Variants in ANKHD1 observed in about 807,000 individuals in gnomAD.
ANKHD1 encodes the protein ankyrin repeat and KH domain-containing protein 1.
In ANKHD1, 31 loss-of-function variants were observed where a neutral mutation model predicts 230.5. The ratio of observed to expected loss-of-function variants is 0.13; its 90% CI spans 0.10 to 0.18. ANKHD1 has a LOEUF of 0.18. ANKHD1 is among the 10% of genes least tolerant of loss of function. The probability of loss-of-function intolerance (pLI) is 1.00; values close to 1 mark genes in which losing one functional copy is unlikely to be tolerated. For synonymous variants in ANKHD1, 1,074 were observed against 1,117.6 expected, an observed-to-expected ratio of 0.96 and a Z score of 0.78; for missense variants, 2,256 against 3,071.3, an observed-to-expected ratio of 0.73 and a Z score of 6.27.
At chr5:140,515,503 C>T (rs140657720) in intron 24 of ANKHD1, among the ~76,000 whole-genome samples, 431 of 152,258 alleles carry the variant, frequency 2.8e-3, no homozygotes, top group African/African-American at 9.7e-3. Context: ...CAGCTCCCAG[C>T]GTGAGCGACG....
chr5:140,403,186 C>T (rs924138327), intron 1 of ANKHD1, among the ~76,000 whole-genome samples: 11 of 151,740 alleles, frequency 7.2e-5, no homozygotes, highest in Admixed American at 7.2e-4. Context: ...TCAGGCTGGT[C>T]TCGAACTCCT....
chr5:140,431,245 A>G (rs765396245), intron 1 of ANKHD1, among the ~76,000 whole-genome samples: 1 of 152,350 alleles, frequency 6.6e-6, no homozygotes, highest in East Asian at 1.9e-4. Context: ...TGTATTAACT[A>G]TAACTCATTC....
chr5:140,407,650 A>G (rs1009028553), intron 1 of ANKHD1, among the ~76,000 whole-genome samples: 4 of 152,152 alleles, frequency 2.6e-5, no homozygotes, highest in African/African-American at 9.6e-5. Context: ...TGGGCCTCCA[A>G]AAATGCAGAG....
intron 5 of ANKHD1, among the ~76,000 whole-genome samples, chr5:140,443,154 C>T (rs766021628): frequency 2.0e-4 from 30 of 151,858 alleles, no homozygotes; most frequent in African/African-American, 5.6e-4. Context: ...CCACCCACCT[C>T]GGCCTCCCAA....
chr5:140,494,805 A>T (rs115945373), intron 14 of ANKHD1, among the ~76,000 whole-genome samples: 1 of 152,182 alleles, frequency 6.6e-6, no homozygotes, highest in South Asian at 2.1e-4. Flanking sequence ...AAATTCCCAA[A>T]TTACCTATGT....
chr5:140,500,648 C>CAAAAAAAAAAAA (rs376975917), intron 15 of ANKHD1, among the ~76,000 whole-genome samples: 1 of 78,744 alleles, frequency 1.3e-5, no homozygotes, highest in African/African-American at 4.8e-5. Context: ...GACTCTGTCT[C>CAAAAAAAAAAAA]AAAAAAAAAA....
intron 7 of ANKHD1, among the ~76,000 whole-genome samples, chr5:140,454,748 C>T (rs1230062888): frequency 6.6e-6 from 1 of 152,110 alleles, no homozygotes; most frequent in Non-Finnish European, 1.5e-5. Context: ...TAAATGTCCA[C>T]AAGAGAAAAC....
At chr5:140,473,829 T>C (rs1255581221) in intron 10 of ANKHD1, among the ~76,000 whole-genome samples, 1 of 152,200 alleles carries the variant, frequency 6.6e-6, no homozygotes, top group East Asian at 1.9e-4. Flanking sequence ...TGAAATGTAA[T>C]TGTAAATCTT....
chr5:140,506,948 G>T lies in ANKHD1; in HGVS notation c.3522G>T (p.Leu1174=). The change falls in exon 19 of 34, where the codon CTG becomes CTT. Residue 1174 remains leucine, a synonymous_variant. Transcript: ENST00000360839. The surrounding 1 kb of genome is among the most constrained non-coding windows in gnomAD (Gnocchi z 4.7). ...SGGYVNIIKI[L]LNAGAEINSR... The stretch of plus-strand genomic sequence containing the variant: ...GATATGTTAATATCATTAAGATTCT[G>T]CTTAATGCTGGGGCAGAAATTAATT... 2.5e-6 allele frequency: 4 copies of T among 1,613,904 alleles called. No homozygotes were observed. Among genetic ancestry groups the T allele is most frequent in the South Asian group, 1.1e-5 (1 of 91,062 alleles).
chr5:140,427,719 G>A (rs556098972), intron 1 of ANKHD1, among the ~76,000 whole-genome samples: 11 of 149,426 alleles, frequency 7.4e-5, no homozygotes, highest in East Asian at 2.1e-4. Context: ...CAGTAGGGGC[G>A]GCCGGGCAGA....
chr5:140,475,316 G>A (rs984268029), intron 10 of ANKHD1, among the ~76,000 whole-genome samples: 29 of 152,086 alleles, frequency 1.9e-4, no homozygotes, highest in African/African-American at 6.0e-4. Flanking sequence ...GAGAATTAAG[G>A]GCTAAAAAAA....
rs759364891 is a variant in ANKHD1 at position 140,539,421 on chromosome 5, T to G, written c.*3T>G. 10 of 1,613,818 alleles carry G rather than the reference T, an allele frequency of 6.2e-6. No individual in the cohort carries two copies. In the South Asian group the frequency reaches 1.1e-4, roughly 18 times the overall value. On this transcript the variant is annotated 3_prime_UTR_variant, in exon 34 of 34. Transcript: ENST00000360839. ...TGCATCTCAAATATGTCAACTAAGT[T>G]AGAAGGTCTTTACTCTTTAGCCTTG...
intron 11 of ANKHD1, 113 bp downstream of exon 11, chr5:140,482,780 C>A: frequency 9.0e-7 from 1 of 1,115,026 alleles, no homozygotes; most frequent in Non-Finnish European, 1.2e-6. Flanking sequence ...GTATTGTATT[C>A]TTGCCTTTTG....
Position 140,402,184 on chromosome 5 carries a change from G to C in ANKHD1, c.217G>C (p.Ala73Pro). Residue 73 changes from alanine (A) to proline (P), a missense_variant, in exon 1 of 34, where the codon GCG (alanine) becomes CCG (proline). Ala to Pro is a conservative substitution (Grantham distance 27). This residue lies in a region of ANKHD1 where 193 missense variants were observed against 185.8 expected (regional missense o/e 1.04). Transcript: ENST00000360839. The part of the protein sequence containing the change: ...GSGSGTGGGD[A>P]ALDFKLAAAV... The stretch of plus-strand genomic sequence containing the variant: ...CGGCAGCGGTACGGGCGGAGGGGAC[G>C]CGGCGCTGGATTTCAAGTTGGCGGC... 6.6e-7 allele frequency: 1 copy of C among 1,523,608 alleles called. No individual in the cohort carries two copies. Among genetic ancestry groups the C allele is most frequent in the Non-Finnish European group, 8.8e-7 (1 of 1,140,166 alleles). 94.4% of individuals were successfully genotyped at this position (1,523,608 alleles called of 1,614,324 possible). A position where few individuals can be genotyped will look rare whatever the true frequency, so the allele number is the denominator to read the frequency against.
In ANKHD1 at chr5:140,515,881, C is replaced by G. The variant is rs1752979324; in HGVS notation, c.4317+2402C>G. ...CAGAAAAACTGGAAACTCTAAAAAG[C>G]AGAGCGCCTCTCCTCCTCCAAAGGA... On this transcript the variant is annotated intron_variant, in intron 24 of 33. Coordinates refer to ENST00000360839, the MANE Select transcript of ANKHD1 (RefSeq NM_017747.3). Among the ~76,000 whole-genome samples, 5 of 152,296 alleles carry G rather than the reference C, an allele frequency of 3.3e-5. No individual in the cohort carries two copies. In the South Asian group the frequency reaches 1.0e-3, roughly 32 times the overall value.
intron 9 of ANKHD1, among the ~76,000 whole-genome samples, chr5:140,460,863 C>T (rs565225801): frequency 6.6e-6 from 1 of 152,250 alleles, no homozygotes; most frequent in African/African-American, 2.4e-5. Context: ...ATGGTTTGGA[C>T]AAACCAACCA....
chr5:140,402,086 G>A lies in ANKHD1; in HGVS notation c.119G>A (p.Gly40Glu). The change falls in exon 1 of 34, where the codon GGG (glycine) becomes GAG (glutamate). Residue 40 changes from glycine (G) to glutamate (E), a missense_variant. Coordinates refer to ENST00000360839, the MANE Select transcript of ANKHD1 (RefSeq NM_017747.3). ...EPPPPGGVGL[G>E]IRTVRLFGEA... ...CCTCCGCCGGGAGGGGTCGGTCTGG[G>A]GATCCGCACCGTGAGGCTCTTTGGG... The A allele has an allele frequency of 6.6e-7, 1 of 1,507,294 alleles. No homozygotes were observed. The highest frequency in any genetic ancestry group is 8.8e-7 in the Non-Finnish European group (1 of 1,133,204). The allele number at this position is 1,507,294 out of a possible 1,614,324, so 93.4% of individuals were successfully genotyped here. A position where few individuals can be genotyped will look rare whatever the true frequency, so the allele number is the denominator to read the frequency against.
In ANKHD1 at chr5:140,506,715, G is replaced by T; in HGVS notation, c.3409-120G>T. ...TTCAATATTTAGGGTCTAATGAAAT[G>T]TAATTAAAATATCAGATATTTAGAT... On this transcript the variant is annotated intron_variant, in intron 18 of 33. Transcript: ENST00000360839. The surrounding 1 kb of genome is among the most constrained non-coding windows in gnomAD (Gnocchi z 4.7). 1 of 1,410,516 alleles carries T rather than the reference G, an allele frequency of 7.1e-7. No individual in the cohort carries two copies. The highest frequency in any genetic ancestry group is 9.6e-7 in the Non-Finnish European group (1 of 1,042,936). The allele number at this position is 1,410,516 out of a possible 1,614,324, so 87.4% of individuals were successfully genotyped here. A position where few individuals can be genotyped will look rare whatever the true frequency, so the allele number is the denominator to read the frequency against.
At chr5:140,530,241 TCA>T (rs1753753425) in intron 29 of ANKHD1, among the ~76,000 whole-genome samples, 1 of 152,172 alleles carries the variant, frequency 6.6e-6, no homozygotes, top group South Asian at 2.1e-4. Context: ...AGACAGGGTC[TCA>T]CTCTATCACC....
Sources: allele counts gnomAD v4.1 joint callset (sites outside exome capture counted in the v4.1 genomes callset), GRCh38; gene constraint gnomAD v4.1.1; regional missense constraint gnomAD v4.1.1; non-coding constraint Gnocchi (gnomAD v3.1); transcripts MANE v1.5; gene names NCBI Gene and HGNC (gene_info 2026-07-23, HGNC 2026-07-21).